RABGAP1L: variants seen among roughly 807,000 people sequenced by gnomAD.
RABGAP1L encodes rab GTPase-activating protein 1-like.
In RABGAP1L, 63 loss-of-function variants were observed where a neutral mutation model predicts 137.7. That is an observed-to-expected ratio of 0.46 (90% confidence interval 0.37 to 0.56). The LOEUF is 0.56. RABGAP1L is among the 20% of genes least tolerant of loss of function. The pLI, the probability that RABGAP1L is intolerant of heterozygous loss-of-function variation, is 0.00. For synonymous variants in RABGAP1L, 431 were observed against 433.7 expected (o/e 0.99, Z 0.08); for missense variants, 1,095 against 1,244.0 (o/e 0.88, Z 1.80).
At chr1:174,176,741 A>AAAATAAAATAAAAT (rs1553248318) in intron 1 of RABGAP1L, among the ~76,000 whole-genome samples, 18 of 111,806 alleles carry the variant, frequency 1.6e-4, no homozygotes, top group African/African-American at 3.6e-4. Context: ...AAAAAAAAAA[A>AAAATAAAATAAAAT]AAAAAGGTCA....
chr1:174,641,638 G>A lies in RABGAP1L; in HGVS notation c.1824+4150G>A, dbSNP rs1674536421. 2.0e-5 allele frequency among the ~76,000 whole-genome samples: 3 copies of A among 152,064 alleles called. No individual in the cohort carries two copies. In the South Asian group the frequency reaches 6.2e-4, roughly 31 times the overall value. ...TTTGCATTTTTATTATTTAACATGA[G>A]ATGTAAAAATCTGCTATAAGTTGGG... On this transcript the variant is annotated intron_variant, in intron 14 of 25. Transcript: ENST00000681986.
chr1:174,618,803 G>A (rs1672157530), intron 13 of RABGAP1L, among the ~76,000 whole-genome samples: 1 of 152,128 alleles, frequency 6.6e-6, no homozygotes, highest in Non-Finnish European at 1.5e-5. Flanking sequence ...TGACTTTGAC[G>A]AGTTGAGAGA....
chr1:174,512,342 T>C (rs1662426682), intron 13 of RABGAP1L, among the ~76,000 whole-genome samples: 1 of 152,204 alleles, frequency 6.6e-6, no homozygotes, highest in Non-Finnish European at 1.5e-5. Flanking sequence ...GCCCCTACTC[T>C]AGTCACTGCC....
At chr1:174,609,571 G>C (rs1671032266) in intron 13 of RABGAP1L, among the ~76,000 whole-genome samples, 1 of 152,102 alleles carries the variant, frequency 6.6e-6, no homozygotes, top group Non-Finnish European at 1.5e-5. Context: ...AGCCTGTTAA[G>C]CACTATAATC....
intron 13 of RABGAP1L, among the ~76,000 whole-genome samples, chr1:174,459,410 A>C (rs1443440024): frequency 6.6e-6 from 1 of 152,160 alleles, no homozygotes; most frequent in African/African-American, 2.4e-5. Flanking sequence ...ACACTTACAC[A>C]GTTGTCCCTC....
intron 13 of RABGAP1L, among the ~76,000 whole-genome samples, chr1:174,467,135 G>A (rs981334947): frequency 6.6e-6 from 1 of 152,090 alleles, no homozygotes; most frequent in African/African-American, 2.4e-5. Flanking sequence ...TATATACACA[G>A]CTAGTTTTCT....
chr1:174,866,162 AG>A (rs1651206857), intron 19 of RABGAP1L, among the ~76,000 whole-genome samples: 1 of 114,020 alleles, frequency 8.8e-6, no homozygotes, highest in South Asian at 2.9e-4. Context: ...AGAGAGAGAG[AG>A]ATGCCAGCCT....
intron 13 of RABGAP1L, among the ~76,000 whole-genome samples, chr1:174,487,502 G>A (rs907098219): frequency 6.6e-6 from 1 of 151,976 alleles, no homozygotes; most frequent in African/African-American, 2.4e-5. Flanking sequence ...TTTGGTTTTA[G>A]TCTACATATG....
At chr1:174,277,875 T>C (rs940707747) in intron 9 of RABGAP1L, among the ~76,000 whole-genome samples, 3 of 152,168 alleles carry the variant, frequency 2.0e-5, no homozygotes, top group African/African-American at 7.2e-5. Context: ...AGTAAGACTG[T>C]ATTTAGTAAG....
chr1:174,275,417 C>T (rs1276507898), intron 8 of RABGAP1L, among the ~76,000 whole-genome samples: 2 of 152,098 alleles, frequency 1.3e-5, no homozygotes, highest in African/African-American at 2.4e-5. Flanking sequence ...ACTTTCCCTA[C>T]TGTGATTAGC....
At chr1:174,925,411 G>A (rs1222058774) in intron 19 of RABGAP1L, among the ~76,000 whole-genome samples, 1 of 150,548 alleles carries the variant, frequency 6.6e-6, no homozygotes, top group Non-Finnish European at 1.5e-5. Flanking sequence ...AAAACAGCTG[G>A]TGAAAAAACC....
intron 13 of RABGAP1L, among the ~76,000 whole-genome samples, chr1:174,525,235 A>T (rs1047979512): frequency 6.6e-6 from 1 of 152,092 alleles, no homozygotes; most frequent in Admixed American, 6.5e-5. Flanking sequence ...TTTGGGCAGT[A>T]TGGTCATTTT....
chr1:174,625,559 A>C (rs1294569460), intron 13 of RABGAP1L, among the ~76,000 whole-genome samples: 1 of 152,126 alleles, frequency 6.6e-6, no homozygotes, highest in African/African-American at 2.4e-5. Context: ...CAGCCTACCA[A>C]GGTGCTGGGA....
intron 10 of RABGAP1L, among the ~76,000 whole-genome samples, chr1:174,301,938 G>T (rs1334309622): frequency 6.6e-6 from 1 of 152,156 alleles, no homozygotes; most frequent in Non-Finnish European, 1.5e-5. Flanking sequence ...CTTGTAACTT[G>T]TCTTTCAGGC....
intron 15 of RABGAP1L, among the ~76,000 whole-genome samples, chr1:174,698,640 T>G (rs1011003922): frequency 2.0e-5 from 3 of 152,116 alleles, no homozygotes; most frequent in African/African-American, 7.2e-5. Flanking sequence ...TGAGCTATAG[T>G]ACTTTTATAT....
chr1:174,615,435 A>C (rs955614224), intron 13 of RABGAP1L, among the ~76,000 whole-genome samples: 3 of 152,096 alleles, frequency 2.0e-5, no homozygotes, highest in African/African-American at 2.4e-5. Flanking sequence ...TTACTCTGGA[A>C]GTTTTGTCTC....
intron 14 of RABGAP1L, among the ~76,000 whole-genome samples, chr1:174,676,163 G>T (rs1428023026): frequency 6.6e-6 from 1 of 152,136 alleles, no homozygotes; most frequent in Admixed American, 6.5e-5. Flanking sequence ...TTATCCTGTG[G>T]AAGTTCTGAT....
At chr1:174,308,968 A>G (rs1034220418) in intron 11 of RABGAP1L, among the ~76,000 whole-genome samples, 1 of 151,994 alleles carries the variant, frequency 6.6e-6, no homozygotes, top group Non-Finnish European at 1.5e-5. Flanking sequence ...TTTGAGTAGT[A>G]TAGACATTTA....
intron 17 of RABGAP1L, among the ~76,000 whole-genome samples, chr1:174,749,970 C>T (rs1220996055): frequency 1.3e-5 from 2 of 152,048 alleles, no homozygotes; most frequent in Non-Finnish European, 2.9e-5. Flanking sequence ...CCTGGGTTCA[C>T]ACCATTCTCC....
Sources: allele counts gnomAD v4.1 joint callset (sites outside exome capture counted in the v4.1 genomes callset), GRCh38; gene constraint gnomAD v4.1.1; transcripts MANE v1.5; gene names NCBI Gene and HGNC (gene_info 2026-07-23, HGNC 2026-07-21).